Variants in CFAP299 observed in about 807,000 individuals in gnomAD.
CFAP299 encodes cilia and flagella associated protein 299.
CFAP299 carries 21 observed loss-of-function variants against 27.0 expected under a neutral mutation model. That is an observed-to-expected ratio of 0.78 (90% CI 0.55 to 1.12). The LOEUF is 1.12. CFAP299 is among the 50% of genes most tolerant of loss of function. The pLI is 0.00. For missense variants in CFAP299, 310 were observed against 276.6 expected (o/e 1.12, Z -0.86); for synonymous variants, 104 against 98.1 (o/e 1.06, Z -0.36).
intron 3 of CFAP299, among the ~76,000 whole-genome samples, chr4:80,836,216 A>C (rs1410759771): frequency 1.3e-5 from 2 of 152,216 alleles, no homozygotes; most frequent in East Asian, 3.8e-4. Context: ...TTTGAATAAC[A>C]CTTTCTAATA....
In CFAP299 at chr4:80,477,889, C is replaced by T. The variant is rs137922539; in HGVS notation, c.243-105204C>T. Among the ~76,000 whole-genome samples the T allele has an allele frequency of 3.0e-3, 460 of 152,284 alleles. 3 individuals carry two copies. The highest frequency in any genetic ancestry group is 0.011 in the African/African-American group (443 of 41,556). On this transcript the variant is annotated intron_variant, in intron 2 of 5. Transcript: ENST00000358105. Reference sequence around the variant, plus strand: ...CCCCAGCTCTTTTCTCCCTCCACACCTGTGCTTACAGAGCTGCAAATGGCT... The same window carrying T: ...CCCCAGCTCTTTTCTCCCTCCACACTTGTGCTTACAGAGCTGCAAATGGCT...
chr4:80,572,478 T>C (rs1204368596), intron 2 of CFAP299, among the ~76,000 whole-genome samples: 1 of 146,764 alleles, frequency 6.8e-6, no homozygotes, highest in Admixed American at 7.1e-5. Flanking sequence ...TCAAGTTTCA[T>C]GTATGTTGTT....
chr4:80,642,257 A>C (rs1739764951), intron 3 of CFAP299, among the ~76,000 whole-genome samples: 1 of 152,244 alleles, frequency 6.6e-6, no homozygotes, highest in African/African-American at 2.4e-5. Flanking sequence ...CCTCATAAGC[A>C]TTGGCAACTG....
chr4:80,349,632 G>T (rs898684220), intron 1 of CFAP299, among the ~76,000 whole-genome samples: 15 of 152,060 alleles, frequency 9.9e-5, no homozygotes, highest in African/African-American at 3.6e-4. Context: ...TTTGTTATAG[G>T]ACTGCAACGA....
chr4:80,831,277 A>G (rs1339774177), intron 3 of CFAP299, among the ~76,000 whole-genome samples: 1 of 152,186 alleles, frequency 6.6e-6, no homozygotes, highest in African/African-American at 2.4e-5. Flanking sequence ...CTCAAGTTAA[A>G]TAGATCAGTG....
chr4:80,669,622 T>A (rs943642973), intron 3 of CFAP299, among the ~76,000 whole-genome samples: 1 of 151,890 alleles, frequency 6.6e-6, no homozygotes, highest in African/African-American at 2.4e-5. Flanking sequence ...CGTATAAGAT[T>A]ATGTCATTTG....
At chr4:80,664,736 A>G (rs929383009) in intron 3 of CFAP299, among the ~76,000 whole-genome samples, 1 of 152,004 alleles carries the variant, frequency 6.6e-6, no homozygotes, top group African/African-American at 2.4e-5. Context: ...AGGGGAGTGA[A>G]TGGTTCTGCC....
chr4:80,406,901 C>T (rs1429342816), intron 2 of CFAP299, among the ~76,000 whole-genome samples: 1 of 152,112 alleles, frequency 6.6e-6, no homozygotes, highest in African/African-American at 2.4e-5. Flanking sequence ...AGGTAAGCAA[C>T]AACTTACCTA....
intron 4 of CFAP299, among the ~76,000 whole-genome samples, chr4:80,932,861 A>G (rs1736690231): frequency 6.6e-6 from 1 of 152,174 alleles, no homozygotes; most frequent in Non-Finnish European, 1.5e-5. Context: ...GTCTTTCACA[A>G]TAGCATCCTA....
chr4:80,595,785 AAG>A (rs1737029784), intron 3 of CFAP299, among the ~76,000 whole-genome samples: 2 of 152,302 alleles, frequency 1.3e-5, no homozygotes, highest in Admixed American at 1.3e-4. Flanking sequence ...TTAAGTTATC[AAG>A]CTAAGGAAAT....
intron 4 of CFAP299, among the ~76,000 whole-genome samples, chr4:80,940,536 C>T (rs1578254847): frequency 6.6e-6 from 1 of 152,176 alleles, no homozygotes; most frequent in Non-Finnish European, 1.5e-5. Context: ...AATCTCTCCA[C>T]TGGACTTCCA....
At chr4:80,612,462 G>A (rs945807744) in intron 3 of CFAP299, among the ~76,000 whole-genome samples, 1 of 151,994 alleles carries the variant, frequency 6.6e-6, no homozygotes, top group African/African-American at 2.4e-5. Context: ...AAAATCTGTA[G>A]TATCTATTTC....
chr4:80,386,976 C>T, intron 2 of CFAP299: 2 of 988,950 alleles, frequency 2.0e-6, no homozygotes, highest in Non-Finnish European at 3.3e-6. Context: ...GCACACCTGG[C>T]CCTTGAACCT....
At chr4:80,775,088 GA>G (rs575434559) in intron 3 of CFAP299, among the ~76,000 whole-genome samples, 8 of 150,164 alleles carry the variant, frequency 5.3e-5, no homozygotes, top group Non-Finnish European at 1.0e-4. Context: ...AAAAGAAAAA[GA>G]AAAAATAGAA....
intron 3 of CFAP299, among the ~76,000 whole-genome samples, chr4:80,648,167 G>A (rs1740119224): frequency 6.6e-6 from 1 of 152,166 alleles, no homozygotes; most frequent in Non-Finnish European, 1.5e-5. Flanking sequence ...TTATTGGAGA[G>A]AGAATCATAA....
chr4:80,730,694 T>C (rs1723471037), intron 3 of CFAP299, among the ~76,000 whole-genome samples: 1 of 151,956 alleles, frequency 6.6e-6, no homozygotes, highest in African/African-American at 2.4e-5. Context: ...GGGTCCAGAG[T>C]CTTGACTCAC....
chr4:80,607,350 T>G (rs1737733255), intron 3 of CFAP299, among the ~76,000 whole-genome samples: 1 of 152,164 alleles, frequency 6.6e-6, no homozygotes, highest in African/African-American at 2.4e-5. Context: ...TCATGTATTC[T>G]CTACTTCATA....
At chr4:80,418,188 A>G (rs367611741) in intron 2 of CFAP299, among the ~76,000 whole-genome samples, 19 of 152,020 alleles carry the variant, frequency 1.2e-4, no homozygotes, top group African/African-American at 3.1e-4. Flanking sequence ...TAACTCTTGA[A>G]TCACTGTAAA....
intron 2 of CFAP299, among the ~76,000 whole-genome samples, chr4:80,394,533 T>C (rs1463310515): frequency 6.6e-6 from 1 of 152,090 alleles, no homozygotes; most frequent in Non-Finnish European, 1.5e-5. Flanking sequence ...CCTATGTTTT[T>C]CTCTAGTATT....
Sources: gnomAD v4.1 joint callset for allele counts (sites outside exome capture counted in the v4.1 genomes callset) on GRCh38, gnomAD v4.1.1 for gene constraint, MANE v1.5 for transcripts, NCBI Gene and HGNC (gene_info 2026-07-23, HGNC 2026-07-21) for gene names.